RDH13: variants seen among roughly 807,000 people sequenced by gnomAD.
RDH13 encodes the protein retinol dehydrogenase 13 (all-trans and 9-cis).
A neutral mutation model predicts 28.3 loss-of-function variants in RDH13; 35 were observed. The ratio of observed to expected loss-of-function variants is 1.24; its 90% CI spans 0.95 to 1.64. The LOEUF is 1.64. Among genes scored for constraint, RDH13 ranks in the 40% most tolerant of loss-of-function variants. The pLI, the probability that RDH13 is intolerant of heterozygous loss-of-function variation, is 0.00. For synonymous variants in RDH13, 229 were observed against 198.5 expected (o/e 1.15, Z -1.29); for missense variants, 514 against 446.3 (o/e 1.15, Z -1.37).
intron 3 of RDH13, among the ~76,000 whole-genome samples, chr19:55,052,743 G>A (rs555361507): frequency 1.3e-5 from 2 of 150,226 alleles, no homozygotes; most frequent in African/African-American, 4.9e-5. Flanking sequence ...CTCACTGCAA[G>A]CTCCACCTCC....
chr19:55,048,499 G>C lies in RDH13; in HGVS notation c.488C>G (p.Ala163Gly). The stretch of plus-strand genomic sequence containing the variant: ...GTTGATGATCCGCGAAGGGGCTGAG[G>C]CTTTCAGCTTGTCCAGCAGCAAGTT... ...LTNLLLDKLK[A>G]SAPSRIINLS... The change falls in exon 5 of 7, where the codon GCC becomes GGC. Residue 163 changes from alanine (A) to glycine (G), a missense_variant. By Grantham distance (60) the Ala-to-Gly change is moderately conservative. Transcript: ENST00000415061. 6.2e-7 allele frequency: 1 copy of C among 1,614,224 alleles called. No homozygotes were observed. Among genetic ancestry groups the C allele is most frequent in the East Asian group, 2.2e-5 (1 of 44,884 alleles).
intron 2 of RDH13, among the ~76,000 whole-genome samples, chr19:55,058,502 C>T (rs1057280418): frequency 2.0e-5 from 3 of 151,976 alleles, no homozygotes; most frequent in African/African-American, 7.3e-5. Flanking sequence ...TAAACAGTAA[C>T]TCCCCATTCT....
intron 1 of RDH13, among the ~76,000 whole-genome samples, chr19:55,059,586 T>TGGG (rs202150997): frequency 2.8e-4 from 22 of 79,230 alleles, no homozygotes; most frequent in Non-Finnish European, 3.4e-4. Context: ...GTTTTGGGGG[T>TGGG]GGGGGGGGGC....
At chr19:55,057,902 C>T (rs2075690933) in intron 2 of RDH13, among the ~76,000 whole-genome samples, 1 of 151,080 alleles carries the variant, frequency 6.6e-6, no homozygotes, top group South Asian at 2.1e-4. Flanking sequence ...CTCCTAGGCT[C>T]AAGTGACCTG....
At chr19:55,043,658 A>C (rs754626009), downstream of RDH13, among the ~76,000 whole-genome samples, 1 of 152,156 alleles carries the variant, frequency 6.6e-6, no homozygotes, top group Non-Finnish European at 1.5e-5. Flanking sequence ...ACAGAGCGAG[A>C]CTAGGTGGCT....
Position 55,056,643 on chromosome 19 carries a change from G to T in RDH13, c.340+10C>A. 6.2e-7 allele frequency: 1 copy of T among 1,613,660 alleles called. No homozygotes were observed. The highest frequency in any genetic ancestry group is 8.5e-7 in the Non-Finnish European group (1 of 1,179,842). On this transcript the variant is annotated intron_variant, in intron 3 of 6. Coordinates refer to ENST00000415061, the MANE Select transcript of RDH13 (RefSeq NM_001145971.2). ...CCAGTCCTCATCCCACATGGCCAGC[G>T]TTCTCCTACCTTCAATGATCTTTGC...
At chr19:55,059,111 G>T in intron 2 of RDH13, 46 bp downstream of exon 2, 2 of 1,241,370 alleles carry the variant, frequency 1.6e-6, no homozygotes, top group East Asian at 2.5e-5. Flanking sequence ...CAGTGAGCAT[G>T]GATGTACAGA....
chr19:55,042,961 C>T (rs1228971585), downstream of RDH13: 1 of 152,222 alleles, frequency 6.6e-6, no homozygotes, highest in African/African-American at 2.4e-5. Flanking sequence ...CCTACTGTCA[C>T]TTCTGCCCTA....
In RDH13 at chr19:55,051,376, A is replaced by G. The variant is rs968175116; in HGVS notation, c.341-2613T>C. On this transcript the variant is annotated intron_variant, in intron 3 of 6. Transcript: ENST00000415061. ...GGCGGGACAGGGAGACTCCACTCACAGCTGGGCGCCCAGGAGTGCCGCCAG... is the reference window on the plus strand; with the variant it reads ...GGCGGGACAGGGAGACTCCACTCACGGCTGGGCGCCCAGGAGTGCCGCCAG... 2.0e-5 allele frequency among the ~76,000 whole-genome samples: 3 copies of G among 152,184 alleles called. No individual in the cohort carries two copies. The South Asian group carries it at 6.2e-4, about 32-fold the overall frequency.
At position 55,048,537 on chromosome 19, in the gene RDH13, G is replaced by C. The variant is rs767441980; in HGVS notation, c.450C>G (p.His150Gln). Reference sequence around the variant, plus strand: ...CCAGCAGCAAGTTTGTCAAGAGAAAGTGACCTGGATTAAGGATGATGAAAA... The same window carrying C: ...CCAGCAGCAAGTTTGTCAAGAGAAACTGACCTGGATTAAGGATGATGAAAA... Reference protein sequence around the residue: ...EMQFGVNHLGHFLLTNLLLDK... With the variant: ...EMQFGVNHLGQFLLTNLLLDK... Residue 150 changes from histidine to glutamine, a missense_variant, in exon 5 of 7, where the codon CAC becomes CAG. Transcript: ENST00000415061. 4 of 1,614,088 alleles carry C rather than the reference G, an allele frequency of 2.5e-6. No homozygotes were observed. Among genetic ancestry groups the C allele is most frequent in the Middle Eastern group, 1.6e-4 (1 of 6,084 alleles).
At chr19:55,051,390 G>A (rs1469307421) in intron 3 of RDH13, among the ~76,000 whole-genome samples, 2 of 152,164 alleles carry the variant, frequency 1.3e-5, no homozygotes, top group Admixed American at 1.3e-4. Context: ...GGGCGCCCAG[G>A]AGTGCCGCCA....
In RDH13 at chr19:55,045,014, T is replaced by C. The variant is rs1602695582; in HGVS notation, c.*60A>G. The C allele has an allele frequency of 7.8e-7, 1 of 1,284,060 alleles. No homozygotes were observed. The highest frequency in any genetic ancestry group is 1.1e-6 in the Non-Finnish European group (1 of 919,514). 79.5% of individuals were successfully genotyped at this position (1,284,060 alleles called of 1,614,324 possible). ...AGGTAGTGCCAGGAAGCTGCGGGCA[T>C]GGCGGACAGCTGTCCTCGGTCTGGA... On this transcript the variant is annotated 3_prime_UTR_variant, in exon 7 of 7. Transcript: ENST00000415061.
rs56128826 is a variant in RDH13, at chr19:55,063,061, A to AGGCGTTC, written c.-30_-29insGAACGCC. The AGGCGTTC allele has an allele frequency of 2.3e-6, 3 of 1,307,700 alleles. No homozygotes were observed. Among genetic ancestry groups the AGGCGTTC allele is most frequent in the Non-Finnish European group, 3.0e-6 (3 of 1,015,190 alleles). The allele number at this position is 1,307,700 out of a possible 1,614,324, so 81.0% of individuals were successfully genotyped here. On this transcript the variant is annotated 5_prime_UTR_variant, in exon 1 of 7. Transcript: ENST00000415061. ...GGGCCGGGGACAGGCGTCAGGCGTC[A>AGGCGTTC]GGGGTCGGCGCGGAGCTTGCTGCAC...
At chr19:55,055,637 G>A (rs1424577955) in intron 3 of RDH13, among the ~76,000 whole-genome samples, 2 of 149,178 alleles carry the variant, frequency 1.3e-5, no homozygotes, top group South Asian at 2.2e-4. Flanking sequence ...CCCAGGAGTT[G>A]GAGACCAGCC....
upstream of RDH13, among the ~76,000 whole-genome samples, chr19:55,066,203 T>A (rs376082966): frequency 1.3e-5 from 2 of 152,210 alleles, no homozygotes; most frequent in Non-Finnish European, 2.9e-5. Flanking sequence ...GAACATCTGT[T>A]TGGACTCCAG....
chr19:55,043,649 C>G (rs997046177), downstream of RDH13, among the ~76,000 whole-genome samples: 1 of 152,174 alleles, frequency 6.6e-6, no homozygotes, highest in African/African-American at 2.4e-5. Flanking sequence ...GCCTGGGCAA[C>G]AGAGCGAGAC....
chr19:55,060,170 G>T (rs1431946001), intron 1 of RDH13, among the ~76,000 whole-genome samples: 2 of 138,448 alleles, frequency 1.4e-5, no homozygotes, highest in Non-Finnish European at 3.1e-5. Flanking sequence ...GCCTCTTGCA[G>T]TTGAGAGAGA....
At chr19:55,052,063 C>CTTTTTTTTTT (rs111427426) in intron 3 of RDH13, among the ~76,000 whole-genome samples, 3 of 120,734 alleles carry the variant, frequency 2.5e-5, no homozygotes, top group Non-Finnish European at 5.0e-5. Context: ...ACTGCCTCAA[C>CTTTTTTTTTT]TTTTTTTTTT....
rs751454855 is a variant in RDH13 at position 55,048,449 on chromosome 19, C to T, written c.538G>A (p.Gly180Arg). 2 of 1,614,082 alleles carry T rather than the reference C, an allele frequency of 1.2e-6. No homozygotes were observed. Among genetic ancestry groups the T allele is most frequent in the Admixed American group, 1.7e-5 (1 of 59,994 alleles). ...INLSSLAHVA[G>R]HIDFDDLNWQ... Reference sequence around the variant, plus strand: ...TTCAAGTCGTCAAAGTCTATGTGCCCAGCAACATGGGCCAGGGACGAGAGG... The same window carrying T: ...TTCAAGTCGTCAAAGTCTATGTGCCTAGCAACATGGGCCAGGGACGAGAGG... The change falls in exon 5 of 7, where the codon GGG becomes AGG. Residue 180 changes from glycine (G) to arginine (R), a missense_variant. By Grantham distance (125) the Gly-to-Arg change is moderately radical. Transcript: ENST00000415061.
Sources: gnomAD v4.1 joint callset for allele counts (sites outside exome capture counted in the v4.1 genomes callset) on GRCh38, gnomAD v4.1.1 for gene constraint, MANE v1.5 for transcripts, NCBI Gene and HGNC (gene_info 2026-07-23, HGNC 2026-07-21) for gene names.